Variants in SLC4A4 observed in about 807,000 individuals in gnomAD.
SLC4A4 encodes electrogenic sodium bicarbonate cotransporter 1.
In SLC4A4, 27 loss-of-function variants were observed where a neutral mutation model predicts 111.5. That is an observed-to-expected ratio of 0.24 (90% CI 0.18 to 0.33). SLC4A4 has a LOEUF of 0.33. Ranked by LOEUF, SLC4A4 falls within the 10% of genes least tolerant of loss-of-function variation. The probability of loss-of-function intolerance (pLI) is 1.00; values close to 1 mark genes in which losing one functional copy is unlikely to be tolerated. For missense variants in SLC4A4, 909 were observed against 1,315.5 expected (o/e 0.69, Z 4.78); for synonymous variants, 443 against 463.4 (o/e 0.96, Z 0.57).
intron 2 of SLC4A4, among the ~76,000 whole-genome samples, chr4:71,122,339 G>C (rs957189722): frequency 6.8e-6 from 1 of 147,050 alleles, no homozygotes; most frequent in Non-Finnish European, 1.5e-5. Context: ...AAAAAAAATT[G>C]ATCTGACAAT....
At chr4:71,378,983 T>C (rs1717819097) in intron 6 of SLC4A4, among the ~76,000 whole-genome samples, 1 of 152,200 alleles carries the variant, frequency 6.6e-6, no homozygotes, top group Admixed American at 6.5e-5. Context: ...GCCATTTTAC[T>C]TCTGATTTAT....
In SLC4A4 at chr4:71,455,801, A is replaced by G. The variant is rs765844494; in HGVS notation, c.1497+2132A>G. Among the ~76,000 whole-genome samples the G allele has an allele frequency of 8.5e-5, 13 of 152,268 alleles. No individual in the cohort carries two copies. The East Asian group carries it at 1.5e-3, about 18-fold the overall frequency. ...CAACCTCATAAGACTTGGCTTTACA[A>G]TGCTGCATCTGACTGTAGAGAAGAA... On this transcript the variant is annotated intron_variant, in intron 12 of 25. Transcript: ENST00000264485.
chr4:71,261,006 A>G (rs1578699624), intron 3 of SLC4A4, among the ~76,000 whole-genome samples: 1 of 152,364 alleles, frequency 6.6e-6, no homozygotes, highest in Non-Finnish European at 1.5e-5. Flanking sequence ...AATTCCTTGT[A>G]AACAATAACC....
rs1737636997 is a variant in SLC4A4 at position 71,567,848 on chromosome 4, C to A, written c.*97C>A. 6.5e-7 allele frequency: 1 copy of A among 1,547,398 alleles called. No homozygotes were observed. Among genetic ancestry groups the A allele is most frequent in the Non-Finnish European group, 8.7e-7 (1 of 1,143,668 alleles). ...TTAGAATAGAACTTGAACCTGAAGA[C>A]AATGATTATTTCTGGAGGAGCAAGG... is the stretch of plus-strand genomic sequence containing the variant. On this transcript the variant is annotated 3_prime_UTR_variant, in exon 26 of 26. Transcript: ENST00000264485.
At chr4:71,099,015 C>T (rs1742639135) in intron 2 of SLC4A4, among the ~76,000 whole-genome samples, 1 of 152,128 alleles carries the variant, frequency 6.6e-6, no homozygotes, top group Non-Finnish European at 1.5e-5. Flanking sequence ...TAGTGGGAGA[C>T]TTCAATACTC....
intron 11 of SLC4A4, 92 bp from the exon 12 acceptor site, chr4:71,453,403 A>G: frequency 8.1e-7 from 1 of 1,230,426 alleles, no homozygotes; most frequent in Non-Finnish European, 1.2e-6. Flanking sequence ...AGCATTTTAA[A>G]TATGTTGTGT....
chr4:71,080,464 A>G (rs1365842463), intron 1 of SLC4A4, among the ~76,000 whole-genome samples: 1 of 152,044 alleles, frequency 6.6e-6, no homozygotes, highest in Non-Finnish European at 1.5e-5. Context: ...ATTGGCTAAA[A>G]TTCTTCTCAA....
intron 3 of SLC4A4, among the ~76,000 whole-genome samples, chr4:71,293,068 C>A (rs1202338594): frequency 3.3e-5 from 5 of 149,728 alleles, no homozygotes; most frequent in African/African-American, 1.2e-4. Context: ...GTCTTGAACT[C>A]CTGACCTTGT....
rs758762368 is a variant in SLC4A4, at chr4:71,450,530, T to C, written c.1195T>C (p.Ser399Pro). The C allele has an allele frequency of 6.2e-7, 1 of 1,613,564 alleles. No homozygotes were observed. The highest frequency in any genetic ancestry group is 8.5e-7 in the Non-Finnish European group (1 of 1,179,780). The change falls in exon 10 of 26, where the codon TCC becomes CCC. Residue 399 changes from serine to proline, a missense_variant. By Grantham distance (74) the Ser-to-Pro change is moderately conservative. Transcript: ENST00000264485. ...IRIEPPKSLP[S>P]SDKRKNMYSG... ...GATAGAGCCTCCTAAGAGTCTTCCA[T>C]CCTCTGACAAAAGGTAAATTATAGG...
intron 2 of SLC4A4, among the ~76,000 whole-genome samples, chr4:71,140,673 A>C (rs1391639333): frequency 6.6e-6 from 1 of 152,136 alleles, no homozygotes; most frequent in Non-Finnish European, 1.5e-5. Context: ...CTCAGATCTC[A>C]AACCTAGGAC....
In SLC4A4 at chr4:71,572,015, G is replaced by T. The variant is rs556998467; in HGVS notation, c.*4264G>T. 2.6e-5 allele frequency: 4 copies of T among 152,348 alleles called. 1 individual carries two copies. Among genetic ancestry groups the T allele is most frequent in the African/African-American group, 9.6e-5 (4 of 41,516 alleles). 9.4% of individuals were successfully genotyped at this position (152,348 alleles called of 1,614,324 possible). On this transcript the variant is annotated 3_prime_UTR_variant, in exon 26 of 26. Coordinates refer to ENST00000264485, the MANE Select transcript of SLC4A4 (RefSeq NM_001098484.3). Reference sequence around the variant, plus strand: ...TTTTATGGAATTAAGAGATGAAGAAGATGAGATATTTTAGCATTTATATTT... The same window carrying T: ...TTTTATGGAATTAAGAGATGAAGAATATGAGATATTTTAGCATTTATATTT...
chr4:71,239,024 C>T (rs1372888010), intron 2 of SLC4A4, among the ~76,000 whole-genome samples: 1 of 152,090 alleles, frequency 6.6e-6, no homozygotes, highest in Non-Finnish European at 1.5e-5. Context: ...TTTTTAATTG[C>T]ATAGAGAAGA....
intron 3 of SLC4A4, among the ~76,000 whole-genome samples, chr4:71,314,364 C>T (rs960216693): frequency 6.6e-6 from 1 of 152,160 alleles, no homozygotes; most frequent in Non-Finnish European, 1.5e-5. Context: ...TGTGGCGATT[C>T]CTCAAGGATC....
chr4:71,444,438 A>G (rs1055024752), intron 8 of SLC4A4, among the ~76,000 whole-genome samples: 1 of 152,196 alleles, frequency 6.6e-6, no homozygotes, highest in African/African-American at 2.4e-5. Context: ...TGAGTGAATA[A>G]AAAGAACTTA....
intron 14 of SLC4A4, among the ~76,000 whole-genome samples, chr4:71,474,280 A>C (rs1413514686): frequency 6.6e-6 from 1 of 151,886 alleles, no homozygotes; most frequent in Non-Finnish European, 1.5e-5. Context: ...TTAGCACCAG[A>C]AGTACAGCAG....
chr4:71,268,781 A>G (rs1329482406), intron 3 of SLC4A4, among the ~76,000 whole-genome samples: 4 of 152,054 alleles, frequency 2.6e-5, no homozygotes, highest in African/African-American at 9.7e-5. Context: ...TTTTCCATCA[A>G]AGTTATTTTG....
chr4:71,348,803 T>TG (rs1418672116), intron 4 of SLC4A4, among the ~76,000 whole-genome samples: 3 of 152,216 alleles, frequency 2.0e-5, no homozygotes, highest in African/African-American at 4.8e-5. Context: ...TAATACCCTA[T>TG]GTAGAGCTTC....
chr4:71,494,578 A>AT (rs1380335254), intron 15 of SLC4A4, among the ~76,000 whole-genome samples: 1 of 151,896 alleles, frequency 6.6e-6, no homozygotes, highest in Non-Finnish European at 1.5e-5. Context: ...GCCTCCCTAA[A>AT]TGCTGGGATT....
chr4:71,230,740 T>C (rs1212874256), intron 1 of SLC4A4, among the ~76,000 whole-genome samples: 1 of 152,140 alleles, frequency 6.6e-6, no homozygotes, highest in Non-Finnish European at 1.5e-5. Context: ...GCAGCATCGT[T>C]AAGTGCAGAG....
Sources: gnomAD v4.1 joint callset for allele counts (sites outside exome capture counted in the v4.1 genomes callset) on GRCh38, gnomAD v4.1.1 for gene constraint, MANE v1.5 for transcripts, NCBI Gene and HGNC (gene_info 2026-07-23, HGNC 2026-07-21) for gene names.